ZNF691: variants seen among roughly 807,000 people sequenced by gnomAD.
The protein encoded by ZNF691 is zinc finger protein 691.
In ZNF691, 11 loss-of-function variants were observed where a neutral mutation model predicts 24.1. The observed-to-expected ratio is 0.46, with a 90% confidence interval of 0.29 to 0.75. The LOEUF is 0.75. ZNF691 is among the 30% of genes least tolerant of loss of function. The pLI is 0.11. For missense variants in ZNF691, 356 were observed against 409.0 expected, an observed-to-expected ratio of 0.87 and a Z score of 1.12; for synonymous variants, 149 against 153.9, an observed-to-expected ratio of 0.97 and a Z score of 0.23.
At chr1:42,850,384 C>T in intron 3 of ZNF691, 1 of 984,094 alleles carries the variant, frequency 1.0e-6, no homozygotes, top group Non-Finnish European at 1.2e-6. Context: ...TTGCTAGATT[C>T]TGGTGTGGGC....
At chr1:42,848,894 G>A (rs1196020008) in intron 1 of ZNF691, among the ~76,000 whole-genome samples, 1 of 152,192 alleles carries the variant, frequency 6.6e-6, no homozygotes, top group Non-Finnish European at 1.5e-5. Flanking sequence ...ATTTTTGGAA[G>A]TAAAGCAAAC....
Position 42,851,384 on chromosome 1 carries a change from C to T in ZNF691, c.519C>T (p.Cys173=), listed in dbSNP as rs1266406625. Residue 173 remains cysteine (C), a synonymous_variant, in exon 4 of 4, where the codon TGC becomes TGT. Coordinates refer to ENST00000651192, the MANE Select transcript of ZNF691 (RefSeq NM_001242739.2). The surrounding 1 kb of genome is among the most constrained non-coding windows in gnomAD (Gnocchi z 4.7). ...ACCTGGAAGAGAAACACTACAAATG[C>T]CCCAAGTGCCAGGAGAGCTTTCGGC... ...RIHLEEKHYK[C]PKCQESFRRR... The T allele has an allele frequency of 6.2e-7, 1 of 1,614,156 alleles. No homozygotes were observed. The highest frequency in any genetic ancestry group is 8.5e-7 in the Non-Finnish European group (1 of 1,180,034).
In ZNF691 at chr1:42,849,622, A is replaced by G; in HGVS notation, c.-37A>G. 1 of 1,415,250 alleles carries G rather than the reference A, an allele frequency of 7.1e-7. No individual in the cohort carries two copies. 87.7% of individuals were successfully genotyped at this position (1,415,250 alleles called of 1,614,324 possible). ...TTTCATTTTCTATCATCAGTGTCCTATGATAGTTTGTGCTTCCCTCCCTCA... is the reference window on the plus strand; with the variant it reads ...TTTCATTTTCTATCATCAGTGTCCTGTGATAGTTTGTGCTTCCCTCCCTCA... On this transcript the variant is annotated 5_prime_UTR_variant, in exon 3 of 4. It removes an upstream start codon present in the reference 5' UTR. Coordinates refer to ENST00000651192, the MANE Select transcript of ZNF691 (RefSeq NM_001242739.2).
In ZNF691 at chr1:42,851,027, G is replaced by A. The variant is rs373135095; in HGVS notation, c.162G>A (p.Trp54Ter). ...LPEEGEGGKP[W>*]RVDDSEGSWI... is the part of the protein sequence containing the mutation. ...AGGAAGGGGAAGGGGGTAAGCCTTG[G>A]AGAGTGGATGACTCAGAGGGTTCTT... Residue 54 changes from tryptophan to a stop codon, truncating the protein, a stop_gained, in exon 4 of 4, where the codon TGG becomes TGA. Coordinates refer to ENST00000651192, the MANE Select transcript of ZNF691 (RefSeq NM_001242739.2). LOFTEE classifies it high-confidence loss of function. This position sits in a 1 kb window ranked among gnomAD's most constrained non-coding sequence, Gnocchi z 4.7. 6.4e-7 allele frequency: 1 copy of A among 1,571,236 alleles called. No homozygotes were observed. Among genetic ancestry groups the A allele is most frequent in the Non-Finnish European group, 8.6e-7 (1 of 1,160,540 alleles).
In ZNF691 at chr1:42,851,107, A is replaced by C; in HGVS notation, c.242A>C (p.Gln81Pro). 1 of 1,613,664 alleles carries C rather than the reference A, an allele frequency of 6.2e-7. No homozygotes were observed. Among genetic ancestry groups the C allele is most frequent in the Non-Finnish European group, 8.5e-7 (1 of 1,179,762 alleles). Residue 81 changes from glutamine (Q) to proline (P), a missense_variant, in exon 4 of 4, where the codon CAA (glutamine) becomes CCA (proline). Physicochemically the swap from Gln to Pro is moderately conservative, Grantham distance 76. Coordinates refer to ENST00000651192, the MANE Select transcript of ZNF691 (RefSeq NM_001242739.2). The surrounding 1 kb of genome is among the most constrained non-coding windows in gnomAD (Gnocchi z 4.7). Reference sequence around the variant, plus strand: ...CAAGAGAGCCTGTCGGATGAACTGCAAGAAACTCATCCAAAAAAGCCATGG... The same window carrying C: ...CAAGAGAGCCTGTCGGATGAACTGCCAGAAACTCATCCAAAAAAGCCATGG... ...HGQESLSDEL[Q>P]ETHPKKPWQK...
Position 42,850,660 on chromosome 1 carries a change from G to A in ZNF691, c.85-290G>A, listed in dbSNP as rs12082515. ...ATAGTCTGGATTGTCATTGCTTAGT[G>A]GTTTCAAGAAGAGTGACATTATTCA... is the stretch of plus-strand genomic sequence containing the variant. On this transcript the variant is annotated intron_variant, in intron 3 of 3. Coordinates refer to ENST00000651192, the MANE Select transcript of ZNF691 (RefSeq NM_001242739.2). 9.5e-4 allele frequency: 1,469 copies of A among 1,550,284 alleles called. 17 individuals are homozygous for A. In the African/African-American group the frequency reaches 0.016, roughly 17 times the overall value.
Position 42,851,459 on chromosome 1 carries a change from A to G in ZNF691, c.594A>G (p.Pro198=), listed in dbSNP as rs1344405772. The G allele has an allele frequency of 6.2e-7, 1 of 1,613,796 alleles. No individual in the cohort carries two copies. The highest frequency in any genetic ancestry group is 8.5e-7 in the Non-Finnish European group (1 of 1,179,658). ...AGCAAGATCACCTAGGCAAGCGGCC[A>G]TACCGCTGTGACATCTGTGGCAAGA... ...THQQDHLGKR[P]YRCDICGKSF... is the part of the protein sequence containing the mutation. Residue 198 remains proline (P), a synonymous_variant, in exon 4 of 4, where the codon CCA becomes CCG. Transcript: ENST00000651192. The surrounding 1 kb of genome is among the most constrained non-coding windows in gnomAD (Gnocchi z 4.7).
At position 42,851,092 on chromosome 1, in the gene ZNF691, T is replaced by G; in HGVS notation, c.227T>G (p.Leu76Arg). 6.2e-7 allele frequency: 1 copy of G among 1,611,858 alleles called. No individual in the cohort carries two copies. The highest frequency in any genetic ancestry group is 8.5e-7 in the Non-Finnish European group (1 of 1,178,684). The change falls in exon 4 of 4, where the codon CTG (leucine) becomes CGG (arginine). Residue 76 changes from leucine (L) to arginine (R), a missense_variant. Physicochemically the swap from Leu to Arg is moderately radical, Grantham distance 102. Transcript: ENST00000651192. This position sits in a 1 kb window ranked among gnomAD's most constrained non-coding sequence, Gnocchi z 4.7. ...PGEKEHGQES[L>R]SDELQETHPK... ...GAGAAGGAGCATGGGCAAGAGAGCCTGTCGGATGAACTGCAAGAAACTCAT... is the reference window on the plus strand; with the variant it reads ...GAGAAGGAGCATGGGCAAGAGAGCCGGTCGGATGAACTGCAAGAAACTCAT...
chr1:42,851,852 G>T lies in ZNF691; in HGVS notation c.*39G>T, dbSNP rs751014515. 1.9e-6 allele frequency: 3 copies of T among 1,613,022 alleles called. No individual in the cohort carries two copies. Among genetic ancestry groups the T allele is most frequent in the Non-Finnish European group, 2.5e-6 (3 of 1,179,446 alleles). ...TTAGAGTGAGGGAGAGAGAGTGAGAGACCCTAACCTATTGGAGGAAGATCT... is the reference window on the plus strand; with the variant it reads ...TTAGAGTGAGGGAGAGAGAGTGAGATACCCTAACCTATTGGAGGAAGATCT... On this transcript the variant is annotated 3_prime_UTR_variant, in exon 4 of 4. Transcript: ENST00000651192. The surrounding 1 kb of genome is among the most constrained non-coding windows in gnomAD (Gnocchi z 4.7).
At position 42,852,150 on chromosome 1, in the gene ZNF691, T is replaced by C. The variant is rs1655417085; in HGVS notation, c.*337T>C. Reference sequence around the variant, plus strand: ...CCCCTGGCCTTTGAGGAAGTACTTATGAGATGGGTGTCACTGTCTGAAGGT... The same window carrying C: ...CCCCTGGCCTTTGAGGAAGTACTTACGAGATGGGTGTCACTGTCTGAAGGT... On this transcript the variant is annotated 3_prime_UTR_variant, in exon 4 of 4. Coordinates refer to ENST00000651192, the MANE Select transcript of ZNF691 (RefSeq NM_001242739.2). 1 of 421,264 alleles carries C rather than the reference T, an allele frequency of 2.4e-6. No homozygotes were observed. The highest frequency in any genetic ancestry group is 2.1e-5 in the South Asian group (1 of 48,268). The allele number at this position is 421,264 out of a possible 1,614,324, so 26.1% of individuals were successfully genotyped here. A position where few individuals can be genotyped will look rare whatever the true frequency, so the allele number is the denominator to read the frequency against.
intron 1 of ZNF691, among the ~76,000 whole-genome samples, chr1:42,848,802 T>A (rs533724808): frequency 1.3e-5 from 2 of 151,684 alleles, no homozygotes; most frequent in South Asian, 2.1e-4. Context: ...GGACTGGGAG[T>A]GTGGGAGTGA....
intron 3 of ZNF691, among the ~76,000 whole-genome samples, chr1:42,849,948 GTGTC>G (rs1364626371): frequency 2.0e-5 from 3 of 152,096 alleles, no homozygotes; most frequent in East Asian, 1.9e-4. Flanking sequence ...ATGTGAGTGT[GTGTC>G]TGTGTGTGGT....
At chr1:42,847,277 C>T (rs1265202594) in intron 1 of ZNF691, among the ~76,000 whole-genome samples, 1 of 152,298 alleles carries the variant, frequency 6.6e-6, no homozygotes, top group Admixed American at 6.5e-5. Context: ...CTTCGGACCT[C>T]CATACCGCAC....
At chr1:42,850,747 G>A in intron 3 of ZNF691, 2 of 1,550,552 alleles carry the variant, frequency 1.3e-6, no homozygotes, top group Admixed American at 3.9e-5. Context: ...TGCTCTGGTG[G>A]GTAGCTTTAA....
intron 1 of ZNF691, among the ~76,000 whole-genome samples, chr1:42,848,610 T>G (rs1363279583): frequency 6.6e-6 from 1 of 152,040 alleles, no homozygotes; most frequent in Non-Finnish European, 1.5e-5. Flanking sequence ...CAAATACTTA[T>G]GAAGGATCTA....
At position 42,851,794 on chromosome 1, in the gene ZNF691, C is replaced by T. The variant is rs1242605226; in HGVS notation, c.929C>T (p.Ala310Val). The T allele has an allele frequency of 1.2e-6, 2 of 1,614,052 alleles. No individual in the cohort carries two copies. The highest frequency in any genetic ancestry group is 1.7e-5 in the Admixed American group (1 of 60,036). The change falls in exon 4 of 4, where the codon GCT becomes GTT. Residue 310 changes from alanine to valine, a missense_variant. Ala to Val is a moderately conservative substitution (Grantham distance 64). Coordinates refer to ENST00000651192, the MANE Select transcript of ZNF691 (RefSeq NM_001242739.2). This position sits in a 1 kb window ranked among gnomAD's most constrained non-coding sequence, Gnocchi z 4.7. ...RHQKTHLGEQ[A>V]GKDSS The stretch of plus-strand genomic sequence containing the variant: ...CAGAAAACTCACTTGGGCGAACAGG[C>T]TGGGAAAGATTCCAGCTGAAGGAGA...
intron 1 of ZNF691, 125 bp from the exon 2 acceptor site, chr1:42,849,164 TAA>T: frequency 3.4e-6 from 1 of 296,902 alleles, no homozygotes; most frequent in African/African-American, 2.2e-5. Flanking sequence ...CTCTGGTTCT[TAA>T]AGAGTTGAGG....
At position 42,850,509 on chromosome 1, in the gene ZNF691, G is replaced by A. The variant is rs771366325; in HGVS notation, c.85-441G>A. 6.2e-4 allele frequency: 900 copies of A among 1,444,470 alleles called. 3 individuals are homozygous for A. The highest frequency in any genetic ancestry group is 5.5e-4 in the Non-Finnish European group (603 of 1,104,720). The allele number at this position is 1,444,470 out of a possible 1,614,324, so 89.5% of individuals were successfully genotyped here. ...TGTTCATTTTGAAAGCAGGCATATA[G>A]GTAGATACTTGTAAGGAAGGTTTTT... On this transcript the variant is annotated intron_variant, in intron 3 of 3. Transcript: ENST00000651192.
intron 3 of ZNF691, among the ~76,000 whole-genome samples, chr1:42,850,173 A>C (rs1472176442): frequency 6.6e-6 from 1 of 151,322 alleles, no homozygotes; most frequent in African/African-American, 2.4e-5. Flanking sequence ...GTTACGTGAG[A>C]ATATGGCTTT....
Sources: gnomAD v4.1 joint callset for allele counts (sites outside exome capture counted in the v4.1 genomes callset) on GRCh38, gnomAD v4.1.1 for gene constraint, Gnocchi (gnomAD v3.1) non-coding constraint, MANE v1.5 for transcripts, NCBI Gene and HGNC (gene_info 2026-07-23, HGNC 2026-07-21) for gene names.